Variants in SLC15A4 observed in about 807,000 individuals in gnomAD.
The protein encoded by SLC15A4 is solute carrier family 15 member 4.
In SLC15A4, 26 loss-of-function variants were observed where a neutral mutation model predicts 46.1. The observed-to-expected ratio is 0.56, with a 90% CI of 0.41 to 0.78. The LOEUF (loss-of-function observed/expected upper bound fraction) is 0.78, where lower values mean the gene tolerates loss of function less well. Among genes scored for constraint, SLC15A4 ranks in the 30% least tolerant of loss-of-function variants. The pLI, the probability that SLC15A4 is intolerant of heterozygous loss-of-function variation, is 0.00. For missense variants in SLC15A4, 751 were observed against 755.7 expected (o/e 0.99, Z 0.07); for synonymous variants, 370 against 333.4 (o/e 1.11, Z -1.20).
intron 2 of SLC15A4, among the ~76,000 whole-genome samples, chr12:128,812,592 G>A (rs555693458): frequency 4.9e-4 from 74 of 152,144 alleles, no homozygotes; most frequent in Admixed American, 3.4e-3. Flanking sequence ...CTGGGATTAC[G>A]GGCTTGAGCC....
chr12:128,799,001 G>A (rs1456358539), intron 7 of SLC15A4, among the ~76,000 whole-genome samples: 6 of 152,218 alleles, frequency 3.9e-5, no homozygotes, highest in African/African-American at 1.4e-4. Flanking sequence ...TGCAGCAGCT[G>A]CTCGCTGGGC....
intron 7 of SLC15A4, among the ~76,000 whole-genome samples, chr12:128,796,286 G>A (rs1256321656): frequency 6.6e-6 from 1 of 152,006 alleles, no homozygotes; most frequent in Non-Finnish European, 1.5e-5. Context: ...TTAGCCAGGC[G>A]TGGTGGCTGG....
intron 1 of SLC15A4, among the ~76,000 whole-genome samples, chr12:128,820,545 C>G (rs1320911609): frequency 6.6e-6 from 1 of 152,224 alleles, no homozygotes; most frequent in African/African-American, 2.4e-5. Context: ...AAAGGACAGG[C>G]TTTTGAATCC....
chr12:128,806,713 A>G (rs1955593441), intron 5 of SLC15A4, among the ~76,000 whole-genome samples: 1 of 152,000 alleles, frequency 6.6e-6, no homozygotes, highest in African/African-American at 2.4e-5. Flanking sequence ...TTCAGGACGC[A>G]CACATGCTGT....
intron 6 of SLC15A4, among the ~76,000 whole-genome samples, chr12:128,799,810 T>C (rs1955493424): frequency 6.6e-6 from 1 of 152,184 alleles, no homozygotes; most frequent in South Asian, 2.1e-4. Flanking sequence ...CTGGGAAATC[T>C]ACATAAGGAT....
At chr12:128,799,053 C>T (rs1328240068) in intron 7 of SLC15A4, among the ~76,000 whole-genome samples, 4 of 152,080 alleles carry the variant, frequency 2.6e-5, no homozygotes, top group African/African-American at 9.7e-5. Flanking sequence ...AGAAGAGAGG[C>T]CTGCTTGTCT....
Position 128,811,622 on chromosome 12 carries a change from G to A in SLC15A4, c.843-1511C>T, listed in dbSNP as rs561547669. 5.9e-5 allele frequency among the ~76,000 whole-genome samples: 9 copies of A among 152,240 alleles called. No individual in the cohort carries two copies. The South Asian group carries it at 6.2e-4, about 11-fold the overall frequency. On this transcript the variant is annotated intron_variant, in intron 2 of 7. Transcript: ENST00000266771. ...AAAGACATTATAAATACTTTCACTC[G>A]AAAACATTAACTTCTTCAAGTACTA...
chr12:128,795,789 C>T (rs1375350273), intron 7 of SLC15A4, among the ~76,000 whole-genome samples: 2 of 152,220 alleles, frequency 1.3e-5, no homozygotes, highest in Non-Finnish European at 2.9e-5. Flanking sequence ...AGCCGAGTGT[C>T]GCCCTGTGCT....
At chr12:128,799,465 C>T (rs368049531) in intron 6 of SLC15A4, 48 bp from the exon 7 acceptor site, 80 of 1,600,922 alleles carry the variant, frequency 5.0e-5, no homozygotes, top group Admixed American at 1.7e-4. Context: ...GGCACTTTAA[C>T]ACATGGGATC....
intron 2 of SLC15A4, among the ~76,000 whole-genome samples, chr12:128,810,650 G>C (rs958300455): frequency 6.6e-6 from 1 of 152,142 alleles, no homozygotes; most frequent in Non-Finnish European, 1.5e-5. Flanking sequence ...TTCTATTCTC[G>C]GAGGAAAGCT....
rs549408748 is a variant in SLC15A4 at position 128,812,387 on chromosome 12, G to A, written c.843-2276C>T. On this transcript the variant is annotated intron_variant, in intron 2 of 7. Transcript: ENST00000266771. ...CAGGCTGGAGTGCAGTGGTGTGATCGCGGCTCACTGCAAGCTCCGCCTCCC... is the reference window on the plus strand; with the variant it reads ...CAGGCTGGAGTGCAGTGGTGTGATCACGGCTCACTGCAAGCTCCGCCTCCC... Among the ~76,000 whole-genome samples, 8 of 151,878 alleles carry A rather than the reference G, an allele frequency of 5.3e-5. No individual in the cohort carries two copies. In the South Asian group the frequency reaches 8.3e-4, roughly 16 times the overall value.
chr12:128,799,379 G>A lies in SLC15A4; in HGVS notation c.1453C>T (p.Gln485Ter). 1.2e-6 allele frequency: 2 copies of A among 1,614,222 alleles called. No individual in the cohort carries two copies. The highest frequency in any genetic ancestry group is 1.7e-6 in the Non-Finnish European group (2 of 1,180,046). Residue 485 changes from glutamine (Q) to a stop codon, truncating the protein, a stop_gained, in exon 7 of 8, where the codon CAG (glutamine) becomes TAG (stop). Transcript: ENST00000266771. LOFTEE classifies it high-confidence loss of function. ...FAYSAAPKSM[Q>*]SAIMGLFFFF... ...AAGAACAAGCCCATTATGGCACTCT[G>A]CATGGACTTGGGGGCAGCTGAGTAT... is the stretch of plus-strand genomic sequence containing the variant.
chr12:128,815,314 G>GTTTTTCCAAGTATGTGGAAAAACTTGAC lies in SLC15A4; in HGVS notation c.547-245_547-244insGTCAAGTTTTTCCACATACTTGGAAAAA, dbSNP rs1955736503. On this transcript the variant is annotated intron_variant, in intron 1 of 7. Transcript: ENST00000266771. ...ACTAAATTCCAACAAATGCTAGAGA[G>GTTTTTCCAAGTATGTGGAAAAACTTGAC]TTTTTCCAAGTATATTCTGCTGTAG... is the stretch of plus-strand genomic sequence containing the variant. 20 of 454,448 alleles carry GTTTTTCCAAGTATGTGGAAAAACTTGAC rather than the reference G, an allele frequency of 4.4e-5. No homozygotes were observed. The Admixed American group carries it at 4.7e-4, about 11-fold the overall frequency. The allele number at this position is 454,448 out of a possible 1,614,324, so 28.2% of individuals were successfully genotyped here.
At chr12:128,804,666 G>A (rs1337667428) in intron 5 of SLC15A4, among the ~76,000 whole-genome samples, 3 of 152,322 alleles carry the variant, frequency 2.0e-5, no homozygotes, top group East Asian at 1.9e-4. Flanking sequence ...GGAGGCGGAC[G>A]TTGCAGTGAG....
chr12:128,814,603 T>C (rs982722900), intron 2 of SLC15A4, 172 bp downstream of exon 2: 3 of 662,082 alleles, frequency 4.5e-6, no homozygotes, highest in Non-Finnish European at 7.6e-6. Flanking sequence ...GATGGGATAA[T>C]AAGACCGCAC....
chr12:128,822,214 T>A (rs1294576163), intron 1 of SLC15A4, among the ~76,000 whole-genome samples: 2 of 152,262 alleles, frequency 1.3e-5, no homozygotes, highest in Admixed American at 6.5e-5. Flanking sequence ...AGAGCTGCAG[T>A]GGTTCCTCCC....
rs1431996274 is a variant in SLC15A4, at chr12:128,808,908, G to A, written c.1138C>T (p.Leu380Phe). The A allele has an allele frequency of 1.2e-6, 2 of 1,614,102 alleles. No homozygotes were observed. The highest frequency in any genetic ancestry group is 4.5e-5 in the East Asian group (2 of 44,904). The change falls in exon 5 of 8, where the codon CTC (leucine) becomes TTC (phenylalanine). Residue 380 changes from leucine (L) to phenylalanine (F), a missense_variant. By Grantham distance (22) the Leu-to-Phe change is conservative. Coordinates refer to ENST00000266771, the MANE Select transcript of SLC15A4 (RefSeq NM_145648.4). ...TMFDAVLILL[L>F]IPLKDKLVDP... ...ACCAGTTTGTCCTTCAGAGGGATGA[G>A]CAGGAGGATGAGCACAGCATCAAAC...
chr12:128,806,182 A>AAAAAAT (rs58961088), intron 5 of SLC15A4, among the ~76,000 whole-genome samples: 92 of 150,916 alleles, frequency 6.1e-4, no homozygotes, highest in Non-Finnish European at 4.6e-4. Flanking sequence ...AAAAAAAAAA[A>AAAAAAT]GAAAAACCTA....
Position 128,799,128 on chromosome 12 carries a change from A to G in SLC15A4, c.1573+131T>C, listed in dbSNP as rs190885867. ...AAGCAGCACAGAGCAGTGCTGTGGA[A>G]GGAGCGGTGGACAGGCAGCTCGGGA... On this transcript the variant is annotated intron_variant, in intron 7 of 7. Coordinates refer to ENST00000266771, the MANE Select transcript of SLC15A4 (RefSeq NM_145648.4). 50 of 904,238 alleles carry G rather than the reference A, an allele frequency of 5.5e-5. 1 individual carries two copies. In the African/African-American group the frequency reaches 7.4e-4, roughly 13 times the overall value. 56.0% of individuals were successfully genotyped at this position (904,238 alleles called of 1,614,324 possible).
Sources: gnomAD v4.1 joint callset for allele counts (sites outside exome capture counted in the v4.1 genomes callset) on GRCh38, gnomAD v4.1.1 for gene constraint, MANE v1.5 for transcripts, NCBI Gene and HGNC (gene_info 2026-07-23, HGNC 2026-07-21) for gene names.